The following SLC6A4 variants were observed in gnomAD, a reference collection of about 807,000 sequenced individuals.
The protein encoded by SLC6A4 is solute carrier family 6 member 4.
A neutral mutation model predicts 73.4 loss-of-function variants in SLC6A4; 22 were observed. The ratio of observed to expected loss-of-function variants is 0.30; its 90% confidence interval spans 0.21 to 0.43. The LOEUF (loss-of-function observed/expected upper bound fraction) is 0.43, where lower values mean the gene tolerates loss of function less well. Among genes scored for constraint, SLC6A4 ranks in the 20% least tolerant of loss-of-function variants. The probability of loss-of-function intolerance (pLI) is 1.00; values close to 1 mark genes in which losing one functional copy is unlikely to be tolerated. For synonymous variants in SLC6A4, 270 were observed against 315.5 expected, an observed-to-expected ratio of 0.86 and a Z score of 1.53; for missense variants, 593 against 808.5, an observed-to-expected ratio of 0.73 and a Z score of 3.23.
intron 1 of SLC6A4, among the ~76,000 whole-genome samples, chr17:30,233,827 T>G (rs1454813854): frequency 6.6e-6 from 1 of 152,212 alleles, no homozygotes; most frequent in Non-Finnish European, 1.5e-5. Context: ...TTAAGCTTCT[T>G]CAGGAAGCCC....
At chr17:30,217,986 C>A (rs1353508001) in intron 5 of SLC6A4, 132 bp downstream of exon 5, 1 of 688,466 alleles carries the variant, frequency 1.5e-6, no homozygotes, top group Non-Finnish European at 2.5e-6. Context: ...AATTCTGCTA[C>A]TCCCACCCCT....
In SLC6A4 at chr17:30,219,628, C is replaced by T. The variant is rs115772849; in HGVS notation, c.344-697G>A. 4.6e-3 allele frequency among the ~76,000 whole-genome samples: 697 copies of T among 152,292 alleles called. 3 individuals are homozygous for T. Among genetic ancestry groups the T allele is most frequent in the African/African-American group, 0.016 (660 of 41,556 alleles). ...TGACAAGCGCCGTTTGCAGGAGTGG[C>T]TGGACAGGGTAGTTTTTCACAGAAC... On this transcript the variant is annotated intron_variant, in intron 3 of 14. Coordinates refer to ENST00000650711, the MANE Select transcript of SLC6A4 (RefSeq NM_001045.6).
At chr17:30,207,641 G>A (rs1906248896) in intron 13 of SLC6A4, 91 bp downstream of exon 13, 1 of 837,124 alleles carries the variant, frequency 1.2e-6, no homozygotes, top group African/African-American at 1.7e-5. Flanking sequence ...ACAAGGATGA[G>A]CCACCGTGCC....
rs148005795 is a variant in SLC6A4, at chr17:30,207,848, G to A, written c.1550-16C>T. 99 of 1,593,742 alleles carry A rather than the reference G, an allele frequency of 6.2e-5. 1 individual carries two copies. In the African/African-American group the frequency reaches 1.2e-3, roughly 19 times the overall value. ...TGAGTGATGCCTGGAACCGCCCAAG[G>A]GGAAGAGAGGCAGAGACTAAGAAAG... On this transcript the variant is annotated splice_polypyrimidine_tract_variant and intron_variant, in intron 12 of 14. Transcript: ENST00000650711.
chr17:30,210,399 C>G (rs1017663239), intron 11 of SLC6A4, 116 bp downstream of exon 11: 2 of 1,137,560 alleles, frequency 1.8e-6, no homozygotes, highest in Admixed American at 2.8e-5. Flanking sequence ...AACAACCTCC[C>G]CTCCTTTGGT....
intron 8 of SLC6A4, 25 bp from the exon 9 acceptor site, chr17:30,212,892 G>A (rs200815379): frequency 2.5e-5 from 41 of 1,612,828 alleles, no homozygotes; most frequent in Admixed American, 1.8e-4. Flanking sequence ...CCAAGGGGCC[G>A]CCTGAGACAG....
chr17:30,212,105 C>T (rs1906405619), intron 9 of SLC6A4, among the ~76,000 whole-genome samples: 1 of 152,060 alleles, frequency 6.6e-6, no homozygotes, highest in African/African-American at 2.4e-5. Flanking sequence ...TTTCTTTTTC[C>T]ACAAAAACTT....
At chr17:30,226,948 C>T (rs1906949148) in intron 1 of SLC6A4, among the ~76,000 whole-genome samples, 1 of 152,028 alleles carries the variant, frequency 6.6e-6, no homozygotes, top group African/African-American at 2.4e-5. Flanking sequence ...CAGGCCAAGC[C>T]TAAAATCTGA....
In SLC6A4 at chr17:30,203,499, C is replaced by T. The variant is rs77312484; in HGVS notation, c.1651-160G>A. 2.3e-3 allele frequency: 1,496 copies of T among 641,802 alleles called. 20 individuals carry two copies. In the African/African-American group the frequency reaches 0.025, roughly 11 times the overall value. The allele number at this position is 641,802 out of a possible 1,614,324, so 39.8% of individuals were successfully genotyped here. The stretch of plus-strand genomic sequence containing the variant: ...ATTGAACTCTGACACACAGAATTAC[C>T]AACTTCTGTACCCAAGCTGCAAGAC... On this transcript the variant is annotated intron_variant, in intron 13 of 14. Transcript: ENST00000650711.
At chr17:30,212,282 T>C (rs1225181406) in intron 9 of SLC6A4, among the ~76,000 whole-genome samples, 1 of 152,326 alleles carries the variant, frequency 6.6e-6, no homozygotes, top group East Asian at 1.9e-4. Context: ...TTCAAGCCCA[T>C]AGATTTTGGA....
At chr17:30,216,578 G>C (rs56063668) in intron 6 of SLC6A4, among the ~76,000 whole-genome samples, 2 of 151,772 alleles carry the variant, frequency 1.3e-5, no homozygotes, top group East Asian at 3.9e-4. Context: ...ATTATTAATT[G>C]TGGTACTACC....
chr17:30,202,615 G>A (rs1009935353), intron 14 of SLC6A4, among the ~76,000 whole-genome samples: 12 of 152,160 alleles, frequency 7.9e-5, no homozygotes, highest in Non-Finnish European at 1.5e-4. Context: ...ATTCATTACC[G>A]AAATGAATCT....
Position 30,203,281 on chromosome 17 carries a change from T to A in SLC6A4, c.1709A>T (p.Tyr570Phe), listed in dbSNP as rs1342054504. Residue 570 changes from tyrosine (Y) to phenylalanine (F), a missense_variant, in exon 14 of 15, where the codon TAT becomes TTT. By Grantham distance (22) the Tyr-to-Phe change is conservative. Coordinates refer to ENST00000650711, the MANE Select transcript of SLC6A4 (RefSeq NM_001045.6). ...ACCCAAGATGATACTCCAGTAAGGATAATTATATTGGAAAAGTCGTAGTTG... is the reference window on the plus strand; with the variant it reads ...ACCCAAGATGATACTCCAGTAAGGAAAATTATATTGGAAAAGTCGTAGTTG... The part of the protein sequence containing the change: ...PPQLRLFQYN[Y>F]PYWSIILGYC... The A allele has an allele frequency of 6.2e-7, 1 of 1,613,974 alleles. No homozygotes were observed. Among genetic ancestry groups the A allele is most frequent in the Non-Finnish European group, 8.5e-7 (1 of 1,179,856 alleles).
intron 6 of SLC6A4, among the ~76,000 whole-genome samples, chr17:30,216,875 G>T (rs893571206): frequency 7.1e-6 from 1 of 141,280 alleles, no homozygotes; most frequent in Non-Finnish European, 1.6e-5. Flanking sequence ...TTGTTTGTTT[G>T]TTTAAGTAGA....
At chr17:30,229,997 C>A (rs1474374174) in intron 1 of SLC6A4, among the ~76,000 whole-genome samples, 2 of 149,854 alleles carry the variant, frequency 1.3e-5, no homozygotes, top group Non-Finnish European at 3.0e-5. Context: ...CCAGCCTGGA[C>A]AACAGGAGCG....
intron 1 of SLC6A4, among the ~76,000 whole-genome samples, chr17:30,225,394 C>G (rs1482216408): frequency 1.3e-5 from 2 of 152,122 alleles, no homozygotes; most frequent in Admixed American, 6.5e-5. Flanking sequence ...TCTGCAGAGC[C>G]CTGGCTGGCT....
At chr17:30,217,398 T>A in intron 5 of SLC6A4, 94 bp from the exon 6 acceptor site, 26 of 1,270,496 alleles carry the variant, frequency 2.0e-5, no homozygotes, top group Non-Finnish European at 2.9e-5. Context: ...CCGGGACAAA[T>A]GGACACGGTG....
intron 14 of SLC6A4, among the ~76,000 whole-genome samples, chr17:30,200,970 C>CG (rs1555586456): frequency 6.6e-6 from 1 of 151,924 alleles, no homozygotes; most frequent in Non-Finnish European, 1.5e-5. Context: ...TTAGTAGAGA[C>CG]GGGGGTTTCA....
Position 30,218,274 on chromosome 17 carries a change from G to T in SLC6A4, c.542C>A (p.Ala181Asp). The change falls in exon 5 of 15, where the codon GCC (alanine) becomes GAC (aspartate). Residue 181 changes from alanine (A) to aspartate (D), a missense_variant. Transcript: ENST00000650711. Reference protein sequence around the residue: ...YIASYYNTIMAWALYYLISSF... With the variant: ...YIASYYNTIMDWALYYLISSF... ...GGAGATGAGGTAGTATAGCGCCCAG[G>T]CCATGATGGTGTTGTAGTAGGAAGC... The T allele has an allele frequency of 6.2e-7, 1 of 1,614,222 alleles. No individual in the cohort carries two copies. Among genetic ancestry groups the T allele is most frequent in the Non-Finnish European group, 8.5e-7 (1 of 1,180,032 alleles).
Sources: gnomAD v4.1 joint callset for allele counts (sites outside exome capture counted in the v4.1 genomes callset) on GRCh38, gnomAD v4.1.1 for gene constraint, MANE v1.5 for transcripts, NCBI Gene and HGNC (gene_info 2026-07-23, HGNC 2026-07-21) for gene names.